CSF2RB: variants seen among roughly 807,000 people sequenced by gnomAD.
CSF2RB encodes the protein cytokine receptor common subunit beta.
Under a neutral mutation model 67.2 loss-of-function variants are expected in CSF2RB, and 22 were observed. The observed-to-expected ratio is 0.33, with a 90% CI of 0.23 to 0.47. CSF2RB has a LOEUF of 0.47. Among genes scored for constraint, CSF2RB ranks in the 20% least tolerant of loss-of-function variants. CSF2RB has a pLI of 1.00. For missense variants in CSF2RB, 1,113 were observed against 1,174.5 expected (o/e 0.95, Z 0.76); for synonymous variants, 507 against 482.9 (o/e 1.05, Z -0.65).
intron 8 of CSF2RB, among the ~76,000 whole-genome samples, chr22:36,931,937 A>G (rs73158156): frequency 0.02 from 3,114 of 152,310 alleles, 40 homozygotes; most frequent in Middle Eastern, 0.041. Context: ...TGAGAGTGTC[A>G]GACAAGAGAG....
At chr22:36,936,083 C>T (rs1227067759) in intron 12 of CSF2RB, among the ~76,000 whole-genome samples, 1 of 152,118 alleles carries the variant, frequency 6.6e-6, no homozygotes, top group Non-Finnish European at 1.5e-5. Context: ...TGCTCTGGCT[C>T]AGGGCATCTT....
chr22:36,936,581 C>A lies in CSF2RB; in HGVS notation c.1497C>A (p.Ser499Arg). Residue 499 changes from serine to arginine, a missense_variant, in exon 13 of 14, where the codon AGC becomes AGA. Ser to Arg is a moderately radical substitution (Grantham distance 110, BLOSUM62 -1). Transcript: ENST00000403662. ...NGSAELWPPG[S>R]MSAFTSGSPP... The stretch of plus-strand genomic sequence containing the variant: ...GCGCAGAGCTTTGGCCCCCAGGCAG[C>A]ATGTCGGCCTTCACTAGCGGGAGTC... The A allele has an allele frequency of 1.9e-6, 3 of 1,613,346 alleles. No individual in the cohort carries two copies. The highest frequency in any genetic ancestry group is 2.5e-6 in the Non-Finnish European group (3 of 1,180,012).
chr22:36,927,496 G>T (rs955589473), intron 4 of CSF2RB, among the ~76,000 whole-genome samples: 1 of 152,206 alleles, frequency 6.6e-6, no homozygotes, highest in Non-Finnish European at 1.5e-5. Context: ...CTCTGGCAGG[G>T]TAACAGCTGT....
In CSF2RB at chr22:36,925,987, G is replaced by A. The variant is rs1163499846; in HGVS notation, c.201G>A (p.Glu67=). 1.9e-6 allele frequency: 3 copies of A among 1,614,156 alleles called. No homozygotes were observed. The highest frequency in any genetic ancestry group is 1.7e-5 in the Admixed American group (1 of 60,014). ...GCTAAGCCGTGTCCTCTCCCAACAG[G>A]GACCTCCTGGAGCCAGTGTCCTGTG... ...VNVTLIRRVN[E]DLLEPVSCDL... The change falls in exon 4 of 14, where the codon GAG becomes GAA. Residue 67 remains glutamate, a splice_region_variant and synonymous_variant. Transcript: ENST00000403662.
intron 1 of CSF2RB, among the ~76,000 whole-genome samples, chr22:36,917,774 C>T (rs1306529856): frequency 1.3e-5 from 2 of 152,006 alleles, no homozygotes; most frequent in Admixed American, 1.3e-4. Flanking sequence ...GATACAAAAA[C>T]TAGCCAGGCG....
chr22:36,915,819 T>C lies in CSF2RB; in HGVS notation c.-173+2142T>C, dbSNP rs958032250. 3.9e-5 allele frequency among the ~76,000 whole-genome samples: 6 copies of C among 152,204 alleles called. No homozygotes were observed. In the East Asian group the frequency reaches 9.6e-4, roughly 24 times the overall value. ...TTCTAATTTTGTCCAATATTATGTA[T>C]GGAAATTCTCAATGTCGCGTGATTT... On this transcript the variant is annotated intron_variant, in intron 1 of 13. Transcript: ENST00000403662.
chr22:36,931,683 C>G (rs1042678029), intron 8 of CSF2RB, among the ~76,000 whole-genome samples: 1 of 152,170 alleles, frequency 6.6e-6, no homozygotes, highest in Non-Finnish European at 1.5e-5. Context: ...GATTAGAGTT[C>G]AGAACTTCTC....
Position 36,930,835 on chromosome 22 carries a change from G to A in CSF2RB, c.1012+5G>A. The A allele has an allele frequency of 6.2e-7, 1 of 1,614,172 alleles. No individual in the cohort carries two copies. ...ACATAAAGAGCTCAGTGAACAGTGAGTTTGCTCCTAGCCCGCTGTGGGGAT... is the reference window on the plus strand; with the variant it reads ...ACATAAAGAGCTCAGTGAACAGTGAATTTGCTCCTAGCCCGCTGTGGGGAT... On this transcript the variant is annotated splice_donor_5th_base_variant and intron_variant, in intron 8 of 13. Coordinates refer to ENST00000403662, the MANE Select transcript of CSF2RB (RefSeq NM_000395.3).
chr22:36,920,083 G>A (rs5750338), intron 1 of CSF2RB, among the ~76,000 whole-genome samples: 66,730 of 152,032 alleles, frequency 0.44, 16,605 homozygotes, highest in Admixed American at 0.58. Context: ...TCTCATCTAC[G>A]AAGTGGAGCT....
Position 36,937,645 on chromosome 22 carries a change from C to T in CSF2RB, c.1837C>T (p.Gln613Ter). The T allele has an allele frequency of 6.4e-7, 1 of 1,557,818 alleles. No individual in the cohort carries two copies. The change falls in exon 14 of 14, where the codon CAG becomes TAG. Residue 613 changes from glutamine (Q) to a stop codon, truncating the protein, a stop_gained. Coordinates refer to ENST00000403662, the MANE Select transcript of CSF2RB (RefSeq NM_000395.3). LOFTEE classifies it low-confidence loss of function (END_TRUNC). This position sits in a 1 kb window ranked among gnomAD's most constrained non-coding sequence, Gnocchi z 4.6. ...CATCCTGGGCCAGCCGGAGCCCCCA[C>T]AGGAGGGTGGGAGCCAGAAGTCCCC... is the stretch of plus-strand genomic sequence containing the variant. Reference protein sequence around the residue: ...PDILGQPEPPQEGGSQKSPPP... With the variant: ...PDILGQPEPP
Position 36,923,313 on chromosome 22 carries a change from A to G in CSF2RB, c.146A>G (p.Asp49Gly). 1.2e-6 allele frequency: 2 copies of G among 1,614,164 alleles called. No homozygotes were observed. Among genetic ancestry groups the G allele is most frequent in the Admixed American group, 3.3e-5 (2 of 60,036 alleles). Residue 49 changes from aspartate (D) to glycine (G), a missense_variant, in exon 3 of 14, where the codon GAC becomes GGC. By Grantham distance (94) the Asp-to-Gly change is moderately conservative (BLOSUM62 -1). Coordinates refer to ENST00000403662, the MANE Select transcript of CSF2RB (RefSeq NM_000395.3). ...YTSHITCRWA[D>G]TQDAQRLVNV... ...AGCCACATCACCTGCAGGTGGGCAGACACCCAGGATGCCCAGCGGCTCGTC... is the reference window on the plus strand; with the variant it reads ...AGCCACATCACCTGCAGGTGGGCAGGCACCCAGGATGCCCAGCGGCTCGTC...
rs774995639 is a variant in CSF2RB at position 36,929,475 on chromosome 22, C to T, written c.465C>T (p.Ala155=). 12 of 1,614,064 alleles carry T rather than the reference C, an allele frequency of 7.4e-6. No homozygotes were observed. The highest frequency in any genetic ancestry group is 1.6e-4 in the Middle Eastern group (1 of 6,084). ...ACTTCCTGCTGACCTGGAGTGTGGCCCTTGGGAGTCCCCAGAGCCACTGGT... is the reference window on the plus strand; with the variant it reads ...ACTTCCTGCTGACCTGGAGTGTGGCTCTTGGGAGTCCCCAGAGCCACTGGT... ...QDHFLLTWSV[A]LGSPQSHWLS... The change falls in exon 5 of 14, where the codon GCC becomes GCT. Residue 155 remains alanine (A), a synonymous_variant. Transcript: ENST00000403662.
chr22:36,930,964 C>A, intron 8 of CSF2RB, 134 bp downstream of exon 8: 1 of 1,115,634 alleles, frequency 9.0e-7, no homozygotes, highest in Non-Finnish European at 1.3e-6. Flanking sequence ...AGTCCAGTGA[C>A]CAAAAGTGAA....
rs1366366781 is a variant in CSF2RB at position 36,939,240 on chromosome 22, A to T, written c.*738A>T. On this transcript the variant is annotated 3_prime_UTR_variant, in exon 14 of 14. Transcript: ENST00000403662. ...GGGACCTCCAGTCCCTTGAGACCCC[A>T]CGTCATGTAGAGAAGTTAACGGCCC... 7.1e-6 allele frequency: 5 copies of T among 702,246 alleles called. No homozygotes were observed. The highest frequency in any genetic ancestry group is 1.3e-5 in the Non-Finnish European group (5 of 384,854). The allele number at this position is 702,246 out of a possible 1,614,324, so 43.5% of individuals were successfully genotyped here.
At chr22:36,923,939 C>A in intron 3 of CSF2RB, 1 of 422,142 alleles carries the variant, frequency 2.4e-6, no homozygotes, top group Non-Finnish European at 4.3e-6. Flanking sequence ...ACCTCTCCCA[C>A]CCAAGCTCTC....
At chr22:36,935,591 GAGGTCTCTGATGGCTGTC>G in intron 11 of CSF2RB, 21 bp from the exon 12 acceptor site, 1 of 1,613,284 alleles carries the variant, frequency 6.2e-7, no homozygotes, top group Non-Finnish European at 8.5e-7. Flanking sequence ...AGCTGGCCAT[GAGGTCTCTGATGGCTGTC>G]ACCTCCGTGG....
intron 13 of CSF2RB, 128 bp downstream of exon 13, chr22:36,936,780 G>A: frequency 1.3e-6 from 1 of 760,796 alleles, no homozygotes; most frequent in Non-Finnish European, 2.1e-6. Context: ...GAGCTGGTTT[G>A]CACTAAAGCA....
chr22:36,919,061 G>A (rs117470412), intron 1 of CSF2RB, among the ~76,000 whole-genome samples: 299 of 152,308 alleles, frequency 2.0e-3, no homozygotes, highest in Non-Finnish European at 3.3e-3. Context: ...CTTGGATCAC[G>A]TTTAGTCACT....
Position 36,935,300 on chromosome 22 carries a change from C to T in CSF2RB, c.1316-51C>T, listed in dbSNP as rs78549491. On this transcript the variant is annotated intron_variant, in intron 10 of 13. Coordinates refer to ENST00000403662, the MANE Select transcript of CSF2RB (RefSeq NM_000395.3). ...CCAACCCCACTCCCTGCCCTGAGGT[C>T]GATTTCCCGCCCAGATGCTGACATT... is the stretch of plus-strand genomic sequence containing the variant. 2.8e-3 allele frequency: 4,466 copies of T among 1,577,762 alleles called. 17 individuals carry two copies. Among genetic ancestry groups the T allele is most frequent in the Non-Finnish European group, 3.5e-3 (3,998 of 1,147,782 alleles).
Sources: allele counts gnomAD v4.1 joint callset (sites outside exome capture counted in the v4.1 genomes callset), GRCh38; gene constraint gnomAD v4.1.1; non-coding constraint Gnocchi (gnomAD v3.1); transcripts MANE v1.5; gene names NCBI Gene and HGNC (gene_info 2026-07-23, HGNC 2026-07-21).